The following ADGRG6 variants were observed in gnomAD, a reference collection of about 807,000 sequenced individuals.
The protein encoded by ADGRG6 is adhesion G protein-coupled receptor G6.
Under a neutral mutation model 142.4 loss-of-function variants are expected in ADGRG6, and 84 were observed. The observed-to-expected ratio is 0.59, with a 90% CI of 0.49 to 0.71. The LOEUF is 0.71. Ranked by LOEUF, ADGRG6 falls within the 30% of genes least tolerant of loss-of-function variation. The pLI is 0.00. For missense variants in ADGRG6, 1,367 were observed against 1,466.6 expected, an observed-to-expected ratio of 0.93 and a Z score of 1.11; for synonymous variants, 521 against 520.5, an observed-to-expected ratio of 1.00 and a Z score of -0.01.
At position 142,405,836 on chromosome 6, in the gene ADGRG6, C is replaced by T. The variant is rs2115032174; in HGVS notation, c.2268+8C>T. The stretch of plus-strand genomic sequence containing the variant: ...AAAACTGGACTTTTCCAGGTAAGCA[C>T]ATTCATTAAATTATTGTTTTTCAAC... On this transcript the variant is annotated splice_region_variant and intron_variant, in intron 15 of 24. Coordinates refer to ENST00000367609, the MANE Select transcript of ADGRG6 (RefSeq NM_198569.3). 3 of 1,565,786 alleles carry T rather than the reference C, an allele frequency of 1.9e-6. No homozygotes were observed. The highest frequency in any genetic ancestry group is 2.6e-6 in the Non-Finnish European group (3 of 1,158,134).
At chr6:142,337,561 G>A (rs1053379789) in intron 2 of ADGRG6, among the ~76,000 whole-genome samples, 1 of 152,018 alleles carries the variant, frequency 6.6e-6, no homozygotes, top group Non-Finnish European at 1.5e-5. Flanking sequence ...TCAAGTGATT[G>A]GTTATTTGTG....
At chr6:142,435,013 A>G (rs1758005303) in intron 22 of ADGRG6, among the ~76,000 whole-genome samples, 1 of 152,134 alleles carries the variant, frequency 6.6e-6, no homozygotes, top group African/African-American at 2.4e-5. Context: ...ACAGTACTCT[A>G]AAGAGAGTAC....
chr6:142,339,604 T>C (rs1285021458), intron 2 of ADGRG6, among the ~76,000 whole-genome samples: 2 of 152,196 alleles, frequency 1.3e-5, no homozygotes, highest in Non-Finnish European at 2.9e-5. Flanking sequence ...GATCCTTTTG[T>C]GGTGTCAAAG....
intron 22 of ADGRG6, among the ~76,000 whole-genome samples, chr6:142,422,321 C>A (rs948189010): frequency 5.9e-5 from 9 of 152,226 alleles, no homozygotes; most frequent in East Asian, 1.9e-4. Context: ...CTGCTCCCCC[C>A]ACCCCACCAC....
intron 7 of ADGRG6, among the ~76,000 whole-genome samples, chr6:142,391,955 C>G (rs1774919035): frequency 6.6e-6 from 1 of 151,826 alleles, no homozygotes; most frequent in African/African-American, 2.4e-5. Flanking sequence ...TTTATATTTA[C>G]TTCATGCATG....
intron 2 of ADGRG6, among the ~76,000 whole-genome samples, chr6:142,336,433 A>T (rs762827711): frequency 3.9e-5 from 6 of 152,188 alleles, no homozygotes; most frequent in African/African-American, 9.6e-5. Context: ...ATTTTGGAGT[A>T]CTTAAAGGTT....
At chr6:142,381,050 T>C (rs1781746581) in intron 4 of ADGRG6, among the ~76,000 whole-genome samples, 1 of 152,218 alleles carries the variant, frequency 6.6e-6, no homozygotes, top group South Asian at 2.1e-4. Context: ...GAAGAAACCA[T>C]GCCTCTGGAG....
At chr6:142,302,674 C>G in intron 1 of ADGRG6, 1 of 334,986 alleles carries the variant, frequency 3.0e-6, no homozygotes, top group Non-Finnish European at 5.4e-6. Flanking sequence ...GGCACCGCTC[C>G]TCAGTCCAGA....
rs955693141 is a variant in ADGRG6 at position 142,445,166 on chromosome 6, TTGCAACATCC to T, written c.*1659_*1668del. ...GTGGGTTTTTTATTACTGTTCCATT[TTGCAACATCC>T]TGCAACACCATCCTGGGAGACAAGA... On this transcript the variant is annotated 3_prime_UTR_variant, in exon 25 of 25. Transcript: ENST00000367609. The T allele has an allele frequency of 6.6e-6, 1 of 152,100 alleles. No individual in the cohort carries two copies. The highest frequency in any genetic ancestry group is 1.5e-5 in the Non-Finnish European group (1 of 68,026). 9.4% of individuals were successfully genotyped at this position (152,100 alleles called of 1,614,324 possible). A position where few individuals can be genotyped will look rare whatever the true frequency, so the allele number is the denominator to read the frequency against.
At chr6:142,349,040 T>C (rs1780036845) in intron 2 of ADGRG6, among the ~76,000 whole-genome samples, 1 of 152,212 alleles carries the variant, frequency 6.6e-6, no homozygotes, top group African/African-American at 2.4e-5. Flanking sequence ...TGCTGAGATA[T>C]TAAGTAAGTG....
chr6:142,345,261 A>G (rs967387391), intron 2 of ADGRG6, among the ~76,000 whole-genome samples: 1 of 151,994 alleles, frequency 6.6e-6, no homozygotes, highest in African/African-American at 2.4e-5. Flanking sequence ...TTTAGTTTTC[A>G]ATTAGGAAAT....
At chr6:142,359,601 A>G (rs780135027) in intron 2 of ADGRG6, among the ~76,000 whole-genome samples, 10 of 152,222 alleles carry the variant, frequency 6.6e-5, no homozygotes, top group African/African-American at 2.2e-4. Flanking sequence ...AACCCAGGCT[A>G]TAGTATAGCA....
intron 1 of ADGRG6, 190 bp downstream of exon 1, chr6:142,302,521 G>T (rs893513402): frequency 1.8e-6 from 1 of 569,314 alleles, no homozygotes; most frequent in Non-Finnish European, 3.0e-6. Context: ...TTGCCAAGTG[G>T]AGTTGTGACA....
chr6:142,360,817 C>A (rs1340563943), intron 2 of ADGRG6, among the ~76,000 whole-genome samples: 1 of 152,112 alleles, frequency 6.6e-6, no homozygotes, highest in African/African-American at 2.4e-5. Context: ...GCCACCAGTC[C>A]TGGCTAATTT....
intron 1 of ADGRG6, among the ~76,000 whole-genome samples, chr6:142,309,010 T>C (rs1438693581): frequency 6.6e-6 from 1 of 151,780 alleles, no homozygotes; most frequent in Middle Eastern, 3.2e-3. Context: ...AGACTTCACC[T>C]TTTTTGGAAT....
chr6:142,345,706 A>C (rs1490294875), intron 2 of ADGRG6, among the ~76,000 whole-genome samples: 2 of 152,162 alleles, frequency 1.3e-5, no homozygotes, highest in African/African-American at 2.4e-5. Flanking sequence ...ATATTTTTCC[A>C]GTGACAGCAT....
At chr6:142,373,795 C>T (rs1338549153) in intron 4 of ADGRG6, among the ~76,000 whole-genome samples, 1 of 152,010 alleles carries the variant, frequency 6.6e-6, no homozygotes, top group East Asian at 1.9e-4. Context: ...CCTCCCTCCT[C>T]AGCCTCCCAA....
At chr6:142,416,345 A>T (rs1355757417) in intron 20 of ADGRG6, among the ~76,000 whole-genome samples, 1 of 152,152 alleles carries the variant, frequency 6.6e-6, no homozygotes, top group African/African-American at 2.4e-5. Context: ...AGCCCACCCA[A>T]GTCTGAAGAA....
chr6:142,323,669 C>T (rs1435290689), intron 2 of ADGRG6, among the ~76,000 whole-genome samples: 7 of 152,084 alleles, frequency 4.6e-5, no homozygotes, highest in African/African-American at 1.2e-4. Flanking sequence ...TAGCCTCCTA[C>T]GCAGATGGTA....
Sources: allele counts gnomAD v4.1 joint callset (sites outside exome capture counted in the v4.1 genomes callset), GRCh38; gene constraint gnomAD v4.1.1; transcripts MANE v1.5; gene names NCBI Gene and HGNC (gene_info 2026-07-23, HGNC 2026-07-21).